Variants in NRXN1 observed in about 807,000 individuals in gnomAD.
The protein encoded by NRXN1 is neurexin-1.
In NRXN1, 39 loss-of-function variants were observed where a neutral mutation model predicts 150.9. The ratio of observed to expected loss-of-function variants is 0.26; its 90% confidence interval spans 0.20 to 0.34. NRXN1 has a LOEUF of 0.34. NRXN1 is among the 10% of genes least tolerant of loss of function. NRXN1 has a pLI of 1.00. For synonymous variants in NRXN1, 924 were observed against 757.0 expected, an observed-to-expected ratio of 1.22 and a Z score of -3.62; for missense variants, 1,815 against 1,949.9, an observed-to-expected ratio of 0.93 and a Z score of 1.30.
In NRXN1 at chr2:50,346,988, A is replaced by G; in HGVS notation, c.3365-110018T>C. 3 of 1,358,068 alleles carry G rather than the reference A, an allele frequency of 2.2e-6. No homozygotes were observed. The highest frequency in any genetic ancestry group is 2.8e-6 in the Non-Finnish European group (3 of 1,056,064). The allele number at this position is 1,358,068 out of a possible 1,614,324, so 84.1% of individuals were successfully genotyped here. A position where few individuals can be genotyped will look rare whatever the true frequency, so the allele number is the denominator to read the frequency against. ...CCGAGGGGCAGCCGCCGCGGGAGGC[A>G]AAGTTTGGGGCGCGGGGAGAGGAGA... is the stretch of plus-strand genomic sequence containing the variant. On this transcript the variant is annotated intron_variant, in intron 17 of 22. Coordinates refer to ENST00000401669, the MANE Select transcript of NRXN1 (RefSeq NM_001330078.2). This position sits in a 1 kb window ranked among gnomAD's most constrained non-coding sequence, Gnocchi z 5.0.
chr2:49,948,543 T>A lies in NRXN1; in HGVS notation c.4129-4752A>T, dbSNP rs963966628. On this transcript the variant is annotated intron_variant, in intron 21 of 22. Transcript: ENST00000401669. ...AATCTTGAGAATAAAAGACCTCAAA[T>A]CAATAGATGGCTTGGCAAAAATCAT... 6.0e-4 allele frequency among the ~76,000 whole-genome samples: 91 copies of A among 152,026 alleles called. 1 individual carries two copies. Among genetic ancestry groups the A allele is most frequent in the African/African-American group, 2.1e-3 (89 of 41,442 alleles).
rs573663558 is a variant in NRXN1, at chr2:50,186,897, T to A, written c.3546+49892A>T. ...AATATGATTTATTTCAAAACATTTT[T>A]AAAATTCCTTCCTTCCACAATTGTT... On this transcript the variant is annotated intron_variant, in intron 18 of 22. Transcript: ENST00000401669. Among the ~76,000 whole-genome samples, 4 of 152,226 alleles carry A rather than the reference T, an allele frequency of 2.6e-5. No individual in the cohort carries two copies. In the South Asian group the frequency reaches 6.2e-4, roughly 24 times the overall value.
intron 18 of NRXN1, among the ~76,000 whole-genome samples, chr2:50,095,072 G>A (rs1358036683): frequency 6.6e-6 from 1 of 152,154 alleles, no homozygotes; most frequent in East Asian, 1.9e-4. Flanking sequence ...GAGGAATAGT[G>A]AAAGCCATGG....
chr2:50,526,005 G>C (rs2092941356), intron 12 of NRXN1, among the ~76,000 whole-genome samples: 1 of 152,120 alleles, frequency 6.6e-6, no homozygotes, highest in South Asian at 2.1e-4. Context: ...CATGTAGCTG[G>C]ACCCTCTACC....
intron 5 of NRXN1, among the ~76,000 whole-genome samples, chr2:50,809,701 G>A (rs2105753338): frequency 6.6e-6 from 1 of 152,250 alleles, no homozygotes; most frequent in East Asian, 1.9e-4. Context: ...ATGGGTCAGA[G>A]GAGGGGATGA....
chr2:50,086,882 T>A (rs540427025), intron 19 of NRXN1, among the ~76,000 whole-genome samples: 1 of 151,992 alleles, frequency 6.6e-6, no homozygotes, highest in Non-Finnish European at 1.5e-5. Context: ...TCTCTCCTTC[T>A]ATTAAGTTGT....
intron 21 of NRXN1, among the ~76,000 whole-genome samples, chr2:50,050,208 T>C (rs1225937693): frequency 6.7e-6 from 1 of 150,280 alleles, no homozygotes; most frequent in Non-Finnish European, 1.5e-5. Context: ...AGTAGGAATA[T>C]AAACAGGACT....
At chr2:50,697,794 T>G (rs867472359) in intron 5 of NRXN1, among the ~76,000 whole-genome samples, 1 of 152,124 alleles carries the variant, frequency 6.6e-6, no homozygotes, top group Non-Finnish European at 1.5e-5. Flanking sequence ...TTTGTTTCAT[T>G]TTCTTTCTTT....
At chr2:50,723,696 C>T (rs536183192) in intron 5 of NRXN1, among the ~76,000 whole-genome samples, 1 of 152,194 alleles carries the variant, frequency 6.6e-6, no homozygotes, top group Non-Finnish European at 1.5e-5. Flanking sequence ...CATTTACAAC[C>T]TGCATGGCTG....
At chr2:50,040,900 T>C (rs750091937) in intron 21 of NRXN1, among the ~76,000 whole-genome samples, 1 of 152,164 alleles carries the variant, frequency 6.6e-6, no homozygotes, top group Non-Finnish European at 1.5e-5. Context: ...AGTTTTAGGG[T>C]ACATGTGCAC....
In NRXN1 at chr2:50,095,542, T is replaced by C. The variant is rs545252941; in HGVS notation, c.3547-4048A>G. ...GTATTAATTATTAAGAAGGTCTAGA[T>C]TCAGTGAATAGAAGCATTGCAATGT... On this transcript the variant is annotated intron_variant, in intron 18 of 22. Coordinates refer to ENST00000401669, the MANE Select transcript of NRXN1 (RefSeq NM_001330078.2). Among the ~76,000 whole-genome samples the C allele has an allele frequency of 3.9e-4, 59 of 152,216 alleles. 1 individual carries two copies. Among genetic ancestry groups the C allele is most frequent in the African/African-American group, 1.4e-3 (57 of 41,534 alleles).
intron 2 of NRXN1, among the ~76,000 whole-genome samples, chr2:51,026,182 C>A (rs1394259773): frequency 6.6e-6 from 1 of 152,182 alleles, no homozygotes; most frequent in Non-Finnish European, 1.5e-5. Context: ...TAAAACGCAG[C>A]CACACAGAGC....
intron 17 of NRXN1, among the ~76,000 whole-genome samples, chr2:50,333,495 T>G (rs974252696): frequency 3.3e-5 from 5 of 151,928 alleles, no homozygotes; most frequent in Admixed American, 3.3e-4. Flanking sequence ...AAATCAGTAA[T>G]GAAGGAGGAT....
intron 10 of NRXN1, among the ~76,000 whole-genome samples, chr2:50,537,186 T>C (rs1573451228): frequency 1.3e-5 from 2 of 152,120 alleles, no homozygotes; most frequent in East Asian, 3.9e-4. Context: ...ACTGAACTAT[T>C]TCAGGAATAA....
chr2:50,118,383 T>C (rs368360637), intron 18 of NRXN1, among the ~76,000 whole-genome samples: 1 of 152,120 alleles, frequency 6.6e-6, no homozygotes, highest in Non-Finnish European at 1.5e-5. Context: ...GTCAGTCTTT[T>C]AAAAATCTTT....
chr2:51,029,928 G>C (rs1472334200), intron 1 of NRXN1, among the ~76,000 whole-genome samples: 1 of 151,724 alleles, frequency 6.6e-6, no homozygotes, highest in Non-Finnish European at 1.5e-5. Flanking sequence ...CTTGCTGTCA[G>C]CCCTCACAAT....
At chr2:50,971,778 T>TAAA (rs1055234871) in intron 2 of NRXN1, among the ~76,000 whole-genome samples, 1 of 152,150 alleles carries the variant, frequency 6.6e-6, no homozygotes, top group Non-Finnish European at 1.5e-5. Context: ...AGTCAGTGTT[T>TAAA]AAAAATTTTT....
intron 5 of NRXN1, among the ~76,000 whole-genome samples, chr2:50,896,751 G>A (rs974999933): frequency 2.0e-5 from 3 of 152,046 alleles, no homozygotes; most frequent in Non-Finnish European, 4.4e-5. Context: ...GAGGCTGGGG[G>A]CAGGAGAATC....
At chr2:50,796,442 C>A (rs1184354438) in intron 5 of NRXN1, among the ~76,000 whole-genome samples, 2 of 152,068 alleles carry the variant, frequency 1.3e-5, no homozygotes, top group Non-Finnish European at 2.9e-5. Context: ...AATGAATGAA[C>A]CCGCTCTCTC....
Sources: gnomAD v4.1 joint callset for allele counts (sites outside exome capture counted in the v4.1 genomes callset) on GRCh38, gnomAD v4.1.1 for gene constraint, Gnocchi (gnomAD v3.1) non-coding constraint, MANE v1.5 for transcripts, NCBI Gene and HGNC (gene_info 2026-07-23, HGNC 2026-07-21) for gene names.